Variants in BNIP3L observed in about 807,000 individuals in gnomAD.
BNIP3L encodes the protein BCL2 interacting protein 3 like.
BNIP3L carries 10 observed loss-of-function variants against 25.5 expected under a neutral mutation model. The observed-to-expected ratio is 0.39, with a 90% CI of 0.24 to 0.67. The LOEUF (loss-of-function observed/expected upper bound fraction) is 0.67. Among genes scored for constraint, BNIP3L ranks in the 30% least tolerant of loss-of-function variants. The pLI, the probability that BNIP3L is intolerant of heterozygous loss-of-function variation, is 0.45. For synonymous variants in BNIP3L, 113 were observed against 101.2 expected (o/e 1.12, Z -0.70); for missense variants, 215 against 270.9 (o/e 0.79, Z 1.45).
In BNIP3L at chr8:26,410,568, C is replaced by T. The variant is rs1016835622; in HGVS notation, c.*156C>T. 13 of 876,546 alleles carry T rather than the reference C, an allele frequency of 1.5e-5. No homozygotes were observed. Among genetic ancestry groups the T allele is most frequent in the Admixed American group, 1.1e-4 (5 of 46,390 alleles). 54.3% of individuals were successfully genotyped at this position (876,546 alleles called of 1,614,324 possible). A position where few individuals can be genotyped will look rare whatever the true frequency, so the allele number is the denominator to read the frequency against. On this transcript the variant is annotated 3_prime_UTR_variant, in exon 6 of 6. Transcript: ENST00000380629. ...TAACTCTCAAATTCAATATTTTATTCAAACTCTGTTGAGGCATTTTACTAA... is the reference window on the plus strand; with the variant it reads ...TAACTCTCAAATTCAATATTTTATTTAAACTCTGTTGAGGCATTTTACTAA...
intron 2 of BNIP3L, among the ~76,000 whole-genome samples, chr8:26,393,246 T>C (rs11775561): frequency 0.029 from 4,415 of 151,698 alleles, 75 homozygotes; most frequent in Middle Eastern, 0.058. Context: ...GGTTGTTGGG[T>C]ATCAGTCCTA....
intron 1 of BNIP3L, among the ~76,000 whole-genome samples, chr8:26,384,894 G>A (rs1042089903): frequency 6.6e-6 from 1 of 151,868 alleles, no homozygotes; most frequent in South Asian, 2.1e-4. Flanking sequence ...ACGAAGTTTC[G>A]CCATGTAGCT....
chr8:26,395,171 G>T, intron 2 of BNIP3L, 59 bp from the exon 3 acceptor site: 2 of 1,552,546 alleles, frequency 1.3e-6, no homozygotes, highest in Non-Finnish European at 1.8e-6. Context: ...TTCTAGTAGA[G>T]ACTAAGTCAT....
chr8:26,388,471 T>C (rs1381691563), intron 1 of BNIP3L, among the ~76,000 whole-genome samples: 1 of 152,182 alleles, frequency 6.6e-6, no homozygotes, highest in Non-Finnish European at 1.5e-5. Flanking sequence ...ACTATACCAG[T>C]GTATCCCAAG....
intron 2 of BNIP3L, among the ~76,000 whole-genome samples, chr8:26,394,771 AG>A (rs1806195765): frequency 6.6e-6 from 1 of 152,216 alleles, no homozygotes; most frequent in African/African-American, 2.4e-5. Context: ...GTATTGAGAA[AG>A]GAACTGTAAC....
intron 3 of BNIP3L, among the ~76,000 whole-genome samples, chr8:26,396,586 C>T (rs1402421713): frequency 2.7e-5 from 4 of 148,088 alleles, no homozygotes; most frequent in East Asian, 2.0e-4. Flanking sequence ...TCCAAAGGAA[C>T]GCAGTTCCTC....
chr8:26,410,470 T>G lies in BNIP3L; in HGVS notation c.*58T>G. 6.3e-7 allele frequency: 1 copy of G among 1,593,310 alleles called. No individual in the cohort carries two copies. The highest frequency in any genetic ancestry group is 8.6e-7 in the Non-Finnish European group (1 of 1,161,230). On this transcript the variant is annotated 3_prime_UTR_variant, in exon 6 of 6. Transcript: ENST00000380629. ...CCTGTGAAGTGGTGTATTGTCACAG[T>G]AGCTTATTTGAACTTGAGACCATTG...
chr8:26,399,992 A>G (rs1200471987), intron 3 of BNIP3L, among the ~76,000 whole-genome samples: 1 of 151,400 alleles, frequency 6.6e-6, no homozygotes, highest in Non-Finnish European at 1.5e-5. Context: ...ATACTGCCCA[A>G]GATAATTTAC....
In BNIP3L at chr8:26,410,408, A is replaced by T. The variant is rs779461964; in HGVS notation, c.656A>T (p.Tyr219Phe). ...CTGAGCACACCCTCTGCCAGCACCTACTGAGGGAAAGGAAAAGCCCCTGGA... is the reference window on the plus strand; with the variant it reads ...CTGAGCACACCCTCTGCCAGCACCTTCTGAGGGAAAGGAAAAGCCCCTGGA... ...KRLSTPSAST[Y>F] Residue 219 changes from tyrosine (Y) to phenylalanine (F), a missense_variant, in exon 6 of 6, where the codon TAC (tyrosine) becomes TTC (phenylalanine). This residue lies in a region of BNIP3L where 63 missense variants were observed against 98.8 expected (regional missense o/e 0.64). Transcript: ENST00000380629. 1.2e-6 allele frequency: 2 copies of T among 1,614,128 alleles called. No homozygotes were observed. The highest frequency in any genetic ancestry group is 4.5e-5 in the East Asian group (2 of 44,880).
intron 1 of BNIP3L, among the ~76,000 whole-genome samples, chr8:26,385,313 C>T (rs1400452662): frequency 6.6e-6 from 1 of 151,956 alleles, no homozygotes; most frequent in Non-Finnish European, 1.5e-5. Context: ...AGGGCTGAGC[C>T]AGGCAGGGCA....
At chr8:26,383,962 C>G (rs1805923150) in intron 1 of BNIP3L, among the ~76,000 whole-genome samples, 1 of 151,920 alleles carries the variant, frequency 6.6e-6, no homozygotes, top group South Asian at 2.1e-4. Context: ...CCTGAACCAC[C>G]CAAGATTGCA....
chr8:26,388,421 T>C (rs1206909689), intron 1 of BNIP3L, among the ~76,000 whole-genome samples: 1 of 152,188 alleles, frequency 6.6e-6, no homozygotes, highest in African/African-American at 2.4e-5. Flanking sequence ...CAGCTATAAC[T>C]GAGAGTGGGA....
chr8:26,395,151 A>G (rs1563339633), intron 2 of BNIP3L, 79 bp from the exon 3 acceptor site: 1 of 1,473,418 alleles, frequency 6.8e-7, no homozygotes, highest in Admixed American at 1.9e-5. Context: ...GTAACTTTTA[A>G]TTTTCTAATT....
At chr8:26,392,780 T>C (rs3808580) in intron 2 of BNIP3L, among the ~76,000 whole-genome samples, 108,181 of 151,998 alleles carry the variant, frequency 0.71, 38,774 homozygotes, top group East Asian at 0.88. Context: ...CTGCTTGTTA[T>C]GGCCTGTCAA....
intron 1 of BNIP3L, among the ~76,000 whole-genome samples, chr8:26,384,727 A>ATTT (rs10598657): frequency 4.6e-4 from 45 of 97,140 alleles, no homozygotes; most frequent in Non-Finnish European, 6.3e-4. Flanking sequence ...TTTTGAGGAC[A>ATTT]TTTTTTTTTT....
At chr8:26,404,659 C>T (rs1481068307) in intron 3 of BNIP3L, among the ~76,000 whole-genome samples, 1 of 152,148 alleles carries the variant, frequency 6.6e-6, no homozygotes, top group African/African-American at 2.4e-5. Flanking sequence ...AGGTGTGCAC[C>T]ACAACGCCTG....
chr8:26,403,696 C>T (rs967588659), intron 3 of BNIP3L, among the ~76,000 whole-genome samples: 2 of 152,008 alleles, frequency 1.3e-5, no homozygotes, highest in Admixed American at 6.6e-5. Flanking sequence ...ACTGCCACGC[C>T]TGGCTACTTT....
intron 3 of BNIP3L, among the ~76,000 whole-genome samples, chr8:26,403,785 C>T (rs1806442138): frequency 6.6e-6 from 1 of 152,060 alleles, no homozygotes; most frequent in East Asian, 1.9e-4. Context: ...AATGATCCTC[C>T]CATGTCGGCC....
chr8:26,393,979 CTA>C (rs1039615481), intron 2 of BNIP3L, among the ~76,000 whole-genome samples: 6 of 152,132 alleles, frequency 3.9e-5, no homozygotes, highest in African/African-American at 1.2e-4. Context: ...ACCAACGTCT[CTA>C]TACATTAATT....
Sources: allele counts gnomAD v4.1 joint callset (sites outside exome capture counted in the v4.1 genomes callset), GRCh38; gene constraint gnomAD v4.1.1; regional missense constraint gnomAD v4.1.1; transcripts MANE v1.5; gene names NCBI Gene and HGNC (gene_info 2026-07-23, HGNC 2026-07-21).